INTS7: variants seen among roughly 807,000 people sequenced by gnomAD.
The protein encoded by INTS7 is chromosome 1 open reading frame 73.
A neutral mutation model predicts 109.2 loss-of-function variants in INTS7; 46 were observed. The ratio of observed to expected loss-of-function variants is 0.42; its 90% CI spans 0.33 to 0.54. The LOEUF (loss-of-function observed/expected upper bound fraction) is 0.54, where lower values mean the gene tolerates loss of function less well. Among genes scored for constraint, INTS7 ranks in the 20% least tolerant of loss-of-function variants. INTS7 has a pLI of 0.07. For synonymous variants in INTS7, 412 were observed against 402.9 expected (o/e 1.02, Z -0.27); for missense variants, 929 against 1,132.4 (o/e 0.82, Z 2.58).
chr1:211,992,991 G>A (rs1239002366), intron 7 of INTS7, among the ~76,000 whole-genome samples: 2 of 152,178 alleles, frequency 1.3e-5, no homozygotes, highest in Non-Finnish European at 2.9e-5. Context: ...AGAGGCTCTG[G>A]CCTGAATTAT....
intron 16 of INTS7, among the ~76,000 whole-genome samples, chr1:211,961,152 A>G (rs957792632): frequency 1.3e-5 from 2 of 152,140 alleles, no homozygotes; most frequent in African/African-American, 4.8e-5. Flanking sequence ...AGCAACTTGG[A>G]AGACATATTT....
intron 14 of INTS7, 114 bp downstream of exon 14, chr1:211,968,399 A>T (rs2102409580): frequency 1.1e-6 from 1 of 870,428 alleles, no homozygotes; most frequent in Non-Finnish European, 1.8e-6. Context: ...GTGAATAAAC[A>T]TTTATGATAA....
At chr1:211,960,439 C>T (rs183361777) in intron 16 of INTS7, among the ~76,000 whole-genome samples, 28 of 152,252 alleles carry the variant, frequency 1.8e-4, no homozygotes, top group African/African-American at 5.5e-4. Context: ...CTCCAGCAAG[C>T]GTTCTGAACT....
chr1:212,030,629 C>T (rs1667119786), intron 1 of INTS7: 1 of 152,212 alleles, frequency 6.6e-6, no homozygotes, highest in Non-Finnish European at 1.5e-5. Flanking sequence ...TCAACACTCT[C>T]AGACTAAGTG....
intron 16 of INTS7, among the ~76,000 whole-genome samples, chr1:211,962,605 C>G (rs1663689265): frequency 6.6e-6 from 1 of 152,160 alleles, no homozygotes; most frequent in Admixed American, 6.5e-5. Flanking sequence ...ATGGCACATA[C>G]TCTAAAATCA....
intron 9 of INTS7, among the ~76,000 whole-genome samples, chr1:211,981,895 C>G (rs1664685245): frequency 6.6e-6 from 1 of 152,202 alleles, no homozygotes; most frequent in East Asian, 1.9e-4. Context: ...GCTTAATTAT[C>G]CAAATCAGAA....
chr1:212,006,850 G>A, intron 6 of INTS7, 89 bp from the exon 7 acceptor site: 1 of 1,094,242 alleles, frequency 9.1e-7, no homozygotes, highest in East Asian at 2.5e-5. Flanking sequence ...CTTATAAAGG[G>A]ACAGGACTCA....
chr1:211,988,336 C>T (rs1013626516), intron 7 of INTS7, among the ~76,000 whole-genome samples: 6 of 151,350 alleles, frequency 4.0e-5, no homozygotes, highest in Non-Finnish European at 5.9e-5. Flanking sequence ...GCAGAAGGAT[C>T]GCTCAAGCCC....
At chr1:211,991,694 T>C (rs1445603882) in intron 7 of INTS7, among the ~76,000 whole-genome samples, 1 of 152,202 alleles carries the variant, frequency 6.6e-6, no homozygotes, top group African/African-American at 2.4e-5. Flanking sequence ...TAGAGAGCAA[T>C]GTAGAAGCTC....
chr1:212,035,312 G>C (rs1473196174), intron 1 of INTS7, 32 bp downstream of exon 1: 2 of 1,450,468 alleles, frequency 1.4e-6, no homozygotes, highest in Non-Finnish European at 1.9e-6. Flanking sequence ...CCCCACGCCT[G>C]TTTCACCCAT....
chr1:211,976,766 C>A, intron 11 of INTS7, 47 bp from the exon 12 acceptor site: 1 of 1,595,440 alleles, frequency 6.3e-7, no homozygotes, highest in South Asian at 1.1e-5. Context: ...TAATTTTATT[C>A]AGTGTCATTG....
At chr1:211,943,155 G>A (rs1662707498) in intron 19 of INTS7, among the ~76,000 whole-genome samples, 1 of 151,854 alleles carries the variant, frequency 6.6e-6, no homozygotes, top group Non-Finnish European at 1.5e-5. Flanking sequence ...TTCCTTAAAA[G>A]GACCAGAAAT....
At chr1:211,954,111 A>T (rs12066042) in intron 16 of INTS7, among the ~76,000 whole-genome samples, 48,157 of 152,002 alleles carry the variant, frequency 0.32, 8,970 homozygotes, top group Middle Eastern at 0.44. Flanking sequence ...GTGAGATGGT[A>T]TCTCATTGTG....
chr1:211,943,591 C>A (rs531373677), intron 19 of INTS7, among the ~76,000 whole-genome samples: 4 of 152,168 alleles, frequency 2.6e-5, no homozygotes, highest in African/African-American at 7.2e-5. Flanking sequence ...GCACAGAAGT[C>A]AAAACAGAGG....
chr1:211,944,946 C>A lies in INTS7; in HGVS notation c.2439G>T (p.Arg813=). The change falls in exon 19 of 20, where the codon CGG becomes CGT. Residue 813 remains arginine (R), a synonymous_variant. Coordinates refer to ENST00000366994, the MANE Select transcript of INTS7 (RefSeq NM_015434.4). ...GGACAGCAATGGGCTCTGCAGGATT[C>A]CGGGGCGATGGTGACAGAGCAAGCT... ...SIKLALSPSP[R]NPAEPIAVQN... 1 of 1,614,070 alleles carries A rather than the reference C, an allele frequency of 6.2e-7. No homozygotes were observed. The highest frequency in any genetic ancestry group is 8.5e-7 in the Non-Finnish European group (1 of 1,180,002).
Position 211,941,866 on chromosome 1 carries a change from T to C in INTS7, c.2847A>G (p.Pro949=). 6.2e-7 allele frequency: 1 copy of C among 1,614,214 alleles called. No individual in the cohort carries two copies. The highest frequency in any genetic ancestry group is 8.5e-7 in the Non-Finnish European group (1 of 1,180,030). ...IRLQQQQAQQ[P]LQQQQQRNAY... is the part of the protein sequence containing the mutation. ...CATTGCGTTGCTGCTGCTGCTGTAA[T>C]GGCTGCTGGGCTTGCTGCTGTTGTA... Residue 949 remains proline (P), a synonymous_variant, in exon 20 of 20, where the codon CCA becomes CCG. Transcript: ENST00000366994.
chr1:211,948,966 A>G (rs1662965522), intron 17 of INTS7, among the ~76,000 whole-genome samples: 1 of 152,182 alleles, frequency 6.6e-6, no homozygotes, highest in African/African-American at 2.4e-5. Flanking sequence ...TGGCCTCCCA[A>G]AGTGCTGGGA....
intron 5 of INTS7, among the ~76,000 whole-genome samples, chr1:212,007,692 AAAAGCACAGTAG>A (rs1391304894): frequency 6.6e-6 from 1 of 152,208 alleles, no homozygotes; most frequent in African/African-American, 2.4e-5. Flanking sequence ...ACTGCCTTTA[AAAAGCACAGTAG>A]AAAGCAAAGT....
chr1:211,974,278 T>A lies in INTS7; in HGVS notation c.1815+888A>T, dbSNP rs1279930932. On this transcript the variant is annotated intron_variant, in intron 13 of 19. Coordinates refer to ENST00000366994, the MANE Select transcript of INTS7 (RefSeq NM_015434.4). ...ACAATCTCTTCCCAGAAAAAAAAAA[T>A]ATATATATATATATATATATATATA... Among the ~76,000 whole-genome samples, 10 of 74,714 alleles carry A rather than the reference T, an allele frequency of 1.3e-4. 1 individual carries two copies. Among genetic ancestry groups the A allele is most frequent in the South Asian group, 1.2e-3 (3 of 2,508 alleles). 49.0% of individuals were successfully genotyped at this position (74,714 alleles called of 152,430 possible).
Sources: allele counts gnomAD v4.1 joint callset (sites outside exome capture counted in the v4.1 genomes callset), GRCh38; gene constraint gnomAD v4.1.1; transcripts MANE v1.5; gene names NCBI Gene and HGNC (gene_info 2026-07-23, HGNC 2026-07-21).